MAP3K4: variants seen among roughly 807,000 people sequenced by gnomAD.
MAP3K4 encodes mitogen-activated protein kinase kinase kinase 4.
Under a neutral mutation model 185.6 loss-of-function variants are expected in MAP3K4, and 67 were observed. The observed-to-expected ratio is 0.36, with a 90% confidence interval of 0.30 to 0.44. The LOEUF is 0.44. MAP3K4 is among the 20% of genes least tolerant of loss of function. The pLI is 1.00. For missense variants in MAP3K4, 1,551 were observed against 1,995.1 expected, an observed-to-expected ratio of 0.78 and a Z score of 4.24; for synonymous variants, 702 against 710.4, an observed-to-expected ratio of 0.99 and a Z score of 0.19.
At position 161,027,331 on chromosome 6, in the gene MAP3K4, C is replaced by A. The variant is rs74594185; in HGVS notation, c.153-6928C>A. Among the ~76,000 whole-genome samples the A allele has an allele frequency of 4.2e-3, 635 of 152,128 alleles. 2 individuals carry two copies. Among genetic ancestry groups the A allele is most frequent in the Non-Finnish European group, 6.1e-3 (415 of 68,006 alleles). On this transcript the variant is annotated intron_variant, in intron 1 of 26. Coordinates refer to ENST00000392142, the MANE Select transcript of MAP3K4 (RefSeq NM_005922.4). ...AATTGTGATTGTGTAACTCAGTAGA[C>A]TATTATACAAATCTATGAAATGTGA...
intron 23 of MAP3K4, 42 bp from the exon 24 acceptor site, chr6:161,111,794 G>A: frequency 1.3e-6 from 2 of 1,596,132 alleles, no homozygotes; most frequent in Non-Finnish European, 1.7e-6. Flanking sequence ...TGCCCACATT[G>A]TGTTTCAGAG....
chr6:161,057,727 G>A (rs1322238551), intron 3 of MAP3K4, among the ~76,000 whole-genome samples: 1 of 152,174 alleles, frequency 6.6e-6, no homozygotes, highest in Non-Finnish European at 1.5e-5. Context: ...TAATACAGTT[G>A]TTAGAGTTAA....
rs1049978218 is a variant in MAP3K4, at chr6:161,117,327, T to C, written c.*457T>C. On this transcript the variant is annotated 3_prime_UTR_variant, in exon 27 of 27. Coordinates refer to ENST00000392142, the MANE Select transcript of MAP3K4 (RefSeq NM_005922.4). ...CAGGTTTGTAATGCAAAAGGCTGAT[T>C]ACTGAAATTTAAGAAAAAGGTTCTT... is the stretch of plus-strand genomic sequence containing the variant. 1 of 156,756 alleles carries C rather than the reference T, an allele frequency of 6.4e-6. No homozygotes were observed. Among genetic ancestry groups the C allele is most frequent in the African/African-American group, 2.4e-5 (1 of 41,640 alleles). The allele number at this position is 156,756 out of a possible 1,614,324, so 9.7% of individuals were successfully genotyped here. A position where few individuals can be genotyped will look rare whatever the true frequency, so the allele number is the denominator to read the frequency against.
chr6:161,028,712 C>T (rs1483976158), intron 1 of MAP3K4, among the ~76,000 whole-genome samples: 3 of 151,574 alleles, frequency 2.0e-5, no homozygotes, highest in Non-Finnish European at 4.4e-5. Flanking sequence ...CATTAAAAAA[C>T]AAGTCTAAAT....
At chr6:161,065,382 A>G (rs1205675920) in intron 3 of MAP3K4, among the ~76,000 whole-genome samples, 2 of 152,208 alleles carry the variant, frequency 1.3e-5, no homozygotes, top group East Asian at 3.9e-4. Context: ...CTGGAATAAG[A>G]TGATAACAGA....
At chr6:161,031,571 G>C (rs1287396626) in intron 1 of MAP3K4, among the ~76,000 whole-genome samples, 1 of 152,026 alleles carries the variant, frequency 6.6e-6, no homozygotes, top group Non-Finnish European at 1.5e-5. Context: ...TTGATATTTG[G>C]ATCACTGAGG....
At chr6:161,050,838 G>A (rs1232927878) in intron 3 of MAP3K4, among the ~76,000 whole-genome samples, 1 of 152,186 alleles carries the variant, frequency 6.6e-6, no homozygotes, top group Non-Finnish European at 1.5e-5. Flanking sequence ...TTATACCCGT[G>A]TTAAGTCTGT....
Position 161,037,776 on chromosome 6 carries a change from G to A in MAP3K4, c.343+3327G>A, listed in dbSNP as rs534126736. Reference sequence around the variant, plus strand: ...TTTTTTTCTTGACTTAAATCTTAAAGCAAAATTAAATAATTACATTGTTGA... The same window carrying A: ...TTTTTTTCTTGACTTAAATCTTAAAACAAAATTAAATAATTACATTGTTGA... On this transcript the variant is annotated intron_variant, in intron 2 of 26. Transcript: ENST00000392142. This position sits in a 1 kb window ranked among gnomAD's most constrained non-coding sequence, Gnocchi z 4.2. 6.6e-6 allele frequency among the ~76,000 whole-genome samples: 1 copy of A among 152,226 alleles called. No individual in the cohort carries two copies.
chr6:161,020,656 T>TAAAAAAAAAAAAAAAAACAAAAAAA (rs1782341175), intron 1 of MAP3K4, among the ~76,000 whole-genome samples: 1 of 96,484 alleles, frequency 1.0e-5, no homozygotes. Flanking sequence ...AGACTCTGTC[T>TAAAAAAAAAAAAAAAAACAAAAAAA]AAAAAAAAAA....
chr6:161,079,585 AAAG>A (rs1342935539), intron 5 of MAP3K4, among the ~76,000 whole-genome samples: 1 of 152,214 alleles, frequency 6.6e-6, no homozygotes, highest in African/African-American at 2.4e-5. Flanking sequence ...TCAAAAAAAG[AAAG>A]AAAAAGAAAA....
intron 1 of MAP3K4, among the ~76,000 whole-genome samples, chr6:160,994,981 G>A (rs1156775838): frequency 6.6e-6 from 1 of 152,234 alleles, no homozygotes; most frequent in Non-Finnish European, 1.5e-5. Flanking sequence ...TTACAGGCGT[G>A]AGCCACTGCG....
At chr6:161,010,017 T>TA (rs944731667) in intron 1 of MAP3K4, among the ~76,000 whole-genome samples, 4 of 152,120 alleles carry the variant, frequency 2.6e-5, no homozygotes, top group African/African-American at 4.8e-5. Flanking sequence ...CCCTGGGACT[T>TA]AAAAAAAATA....
chr6:161,047,649 G>A (rs1004355498), intron 2 of MAP3K4, among the ~76,000 whole-genome samples: 1 of 152,150 alleles, frequency 6.6e-6, no homozygotes, highest in African/African-American at 2.4e-5. Flanking sequence ...TCTAAGATTA[G>A]CACTTGGAGA....
rs532709589 is a variant in MAP3K4, at chr6:161,067,991, C to T, written c.1708-2617C>T. Among the ~76,000 whole-genome samples the T allele has an allele frequency of 1.3e-5, 2 of 152,244 alleles. No homozygotes were observed. The highest frequency in any genetic ancestry group is 4.2e-4 in the South Asian group (2 of 4,812). ...ACAAGGTTGATGACATCATATGTTC[C>T]ATTCTTTAGTGTTAGATTGTTAATA... On this transcript the variant is annotated intron_variant, in intron 3 of 26. Transcript: ENST00000392142. The surrounding 1 kb of genome is among the most constrained non-coding windows in gnomAD (Gnocchi z 6.3).
chr6:161,097,320 C>G lies in MAP3K4; in HGVS notation c.3524+144C>G. 1.6e-6 allele frequency: 1 copy of G among 611,328 alleles called. No individual in the cohort carries two copies. The highest frequency in any genetic ancestry group is 2.8e-6 in the Non-Finnish European group (1 of 359,376). 37.9% of individuals were successfully genotyped at this position (611,328 alleles called of 1,614,324 possible). A position where few individuals can be genotyped will look rare whatever the true frequency, so the allele number is the denominator to read the frequency against. On this transcript the variant is annotated intron_variant, in intron 16 of 26. Transcript: ENST00000392142. This position sits in a 1 kb window ranked among gnomAD's most constrained non-coding sequence, Gnocchi z 4.9. ...ACGTAAAAGCTCTTACTTGCATTAT[C>G]TTGAAACCTTTAGTCGCAAAAGAAA...
chr6:161,073,967 A>T lies in MAP3K4; in HGVS notation c.2097+355A>T, dbSNP rs947203863. On this transcript the variant is annotated intron_variant, in intron 5 of 26. Coordinates refer to ENST00000392142, the MANE Select transcript of MAP3K4 (RefSeq NM_005922.4). The surrounding 1 kb of genome is among the most constrained non-coding windows in gnomAD (Gnocchi z 4.2). ...TCATCTTATGGCAGAATGGCCCAGA[A>T]GTAGAATCAAAATATGGTCCTATGT... Among the ~76,000 whole-genome samples, 2 of 152,334 alleles carry T rather than the reference A, an allele frequency of 1.3e-5. No homozygotes were observed. The highest frequency in any genetic ancestry group is 1.9e-4 in the East Asian group (1 of 5,180).
intron 15 of MAP3K4, among the ~76,000 whole-genome samples, chr6:161,094,556 A>T (rs1777487060): frequency 6.6e-6 from 1 of 152,268 alleles, no homozygotes; most frequent in African/African-American, 2.4e-5. Context: ...GTAAGTAATA[A>T]ACACCCAAGA....
At chr6:161,023,430 T>C (rs1362599629) in intron 1 of MAP3K4, among the ~76,000 whole-genome samples, 1 of 152,232 alleles carries the variant, frequency 6.6e-6, no homozygotes, top group Non-Finnish European at 1.5e-5. Context: ...TCAGTATGTT[T>C]AGGTTATGCT....
intron 3 of MAP3K4, among the ~76,000 whole-genome samples, chr6:161,052,693 C>T (rs961042052): frequency 8.6e-5 from 13 of 151,944 alleles, no homozygotes; most frequent in Non-Finnish European, 1.8e-4. Flanking sequence ...ATTTTTATTC[C>T]CACTTTAGGA....
Sources: allele counts gnomAD v4.1 joint callset (sites outside exome capture counted in the v4.1 genomes callset), GRCh38; gene constraint gnomAD v4.1.1; non-coding constraint Gnocchi (gnomAD v3.1); transcripts MANE v1.5; gene names NCBI Gene and HGNC (gene_info 2026-07-23, HGNC 2026-07-21).